CC2D1A: variants seen among roughly 807,000 people sequenced by gnomAD.
CC2D1A encodes the protein coiled-coil and C2 domain-containing protein 1A.
In CC2D1A, 68 loss-of-function variants were observed where a neutral mutation model predicts 123.8. That is an observed-to-expected ratio of 0.55 (90% CI 0.45 to 0.67). The LOEUF (loss-of-function observed/expected upper bound fraction) is 0.67. Among genes scored for constraint, CC2D1A ranks in the 30% least tolerant of loss-of-function variants. CC2D1A has a pLI of 0.00. For synonymous variants in CC2D1A, 477 were observed against 528.0 expected, an observed-to-expected ratio of 0.90 and a Z score of 1.32; for missense variants, 1,185 against 1,290.3, an observed-to-expected ratio of 0.92 and a Z score of 1.25.
Position 13,923,038 on chromosome 19 carries a change from C to T in CC2D1A, c.1642-295C>T, listed in dbSNP as rs1398121275. On this transcript the variant is annotated intron_variant, in intron 14 of 28. Coordinates refer to ENST00000318003, the MANE Select transcript of CC2D1A (RefSeq NM_017721.5). The surrounding 1 kb of genome is among the most constrained non-coding windows in gnomAD (Gnocchi z 5.3). ...TGAAACCCTGTCTCTACTAAAAATA[C>T]AAAAATTAGCCAGGTGTGGTGGCAG... Among the ~76,000 whole-genome samples the T allele has an allele frequency of 1.3e-5, 2 of 152,036 alleles. No individual in the cohort carries two copies. Among genetic ancestry groups the T allele is most frequent in the Non-Finnish European group, 2.9e-5 (2 of 67,986 alleles).
rs540923302 is a variant in CC2D1A, at chr19:13,915,491, C to T, written c.748+1853C>T. Reference sequence around the variant, plus strand: ...CTCGAACTCCTGACCTCAGGTGATCCGCCTGCTCCGCCTCCCAAAGTGCGG... The same window carrying T: ...CTCGAACTCCTGACCTCAGGTGATCTGCCTGCTCCGCCTCCCAAAGTGCGG... On this transcript the variant is annotated intron_variant, in intron 6 of 28. Transcript: ENST00000318003. Among the ~76,000 whole-genome samples the T allele has an allele frequency of 4.6e-5, 7 of 152,178 alleles. No homozygotes were observed. In the South Asian group the frequency reaches 1.2e-3, roughly 27 times the overall value.
intron 12 of CC2D1A, 101 bp from the exon 13 acceptor site, chr19:13,920,456 C>T: frequency 2.6e-6 from 2 of 757,474 alleles, no homozygotes; most frequent in Non-Finnish European, 4.6e-6. Context: ...CCTGGGAGCC[C>T]ACTAAATGAC....
chr19:13,906,511 C>A lies in CC2D1A; in HGVS notation c.60+10C>A, dbSNP rs769120532. The A allele has an allele frequency of 2.8e-4, 409 of 1,477,772 alleles. No homozygotes were observed. The highest frequency in any genetic ancestry group is 3.3e-4 in the Non-Finnish European group (373 of 1,117,666). The allele number at this position is 1,477,772 out of a possible 1,614,324, so 91.5% of individuals were successfully genotyped here. On this transcript the variant is annotated intron_variant, in intron 1 of 28. Coordinates refer to ENST00000318003, the MANE Select transcript of CC2D1A (RefSeq NM_017721.5). This position sits in a 1 kb window ranked among gnomAD's most constrained non-coding sequence, Gnocchi z 4.1. ...CGCGGCCGCCCGCCAGGTGAGTTTG[C>A]GCCCCACGGCCCGACCTGGGGATCC... is the stretch of plus-strand genomic sequence containing the variant.
chr19:13,926,480 CCCTGCCCACCTG>C (rs747695226), intron 17 of CC2D1A, 25 bp from the exon 18 acceptor site: 24 of 1,598,868 alleles, frequency 1.5e-5, no homozygotes, highest in African/African-American at 9.4e-5. Flanking sequence ...GCCTCTGTTT[CCCTGCCCACCTG>C]CCTGCCCACC....
chr19:13,920,250 C>T (rs1971361818), intron 12 of CC2D1A: 1 of 516,404 alleles, frequency 1.9e-6, no homozygotes, highest in African/African-American at 2.1e-5. Context: ...GACCTCATCT[C>T]CAAGACAATT....
chr19:13,922,759 C>T (rs1971452163), intron 14 of CC2D1A, among the ~76,000 whole-genome samples: 2 of 152,142 alleles, frequency 1.3e-5, no homozygotes, highest in Admixed American at 1.3e-4. Context: ...TTCTCAAACT[C>T]TTGAGCTCAA....
At position 13,909,371 on chromosome 19, in the gene CC2D1A, G is replaced by T. The variant is rs377315385; in HGVS notation, c.61-452G>T. The stretch of plus-strand genomic sequence containing the variant: ...AGCCTGGGTGACAGAGCGAGACTCT[G>T]TGTCAAAAAAAAACAAAAAACAAAA... On this transcript the variant is annotated intron_variant, in intron 1 of 28. Transcript: ENST00000318003. Among the ~76,000 whole-genome samples the T allele has an allele frequency of 4.7e-3, 709 of 151,198 alleles. 2 individuals carry two copies. The highest frequency in any genetic ancestry group is 0.011 in the South Asian group (54 of 4,796).
At chr19:13,911,294 T>C (rs983045967) in intron 2 of CC2D1A, among the ~76,000 whole-genome samples, 8 of 152,172 alleles carry the variant, frequency 5.3e-5, no homozygotes, top group African/African-American at 1.9e-4. Flanking sequence ...AACAGTCTTA[T>C]AGTCATTAAT....
rs770697782 is a variant in CC2D1A at position 13,930,032 on chromosome 19, G to C, written c.2711-46G>C. On this transcript the variant is annotated intron_variant, in intron 26 of 28. Transcript: ENST00000318003. The surrounding 1 kb of genome is among the most constrained non-coding windows in gnomAD (Gnocchi z 6.8). ...GCACAGTCCAGGAGGGTTGTGGGCA[G>C]TGAGGCCCCACCCTAAGCCTCCATT... The C allele has an allele frequency of 2.5e-6, 4 of 1,583,954 alleles. No individual in the cohort carries two copies. Among genetic ancestry groups the C allele is most frequent in the Non-Finnish European group, 3.4e-6 (4 of 1,162,846 alleles).
chr19:13,907,566 G>A (rs977681125), intron 1 of CC2D1A, among the ~76,000 whole-genome samples: 1 of 152,116 alleles, frequency 6.6e-6, no homozygotes. Flanking sequence ...CCAGCTACTC[G>A]GGAGGCTGAG....
Position 13,906,286 on chromosome 19 carries a change from C to T in CC2D1A, c.-156C>T, listed in dbSNP as rs1327941997. ...GAGGCCCGAGGCGGAAGTGGGACGG[C>T]CAAGCAGGGAAGCGAGGGCTCGGGA... On this transcript the variant is annotated 5_prime_UTR_variant, in exon 1 of 29. Transcript: ENST00000318003. The surrounding 1 kb of genome is among the most constrained non-coding windows in gnomAD (Gnocchi z 4.1). 4 of 544,726 alleles carry T rather than the reference C, an allele frequency of 7.3e-6. No individual in the cohort carries two copies. The highest frequency in any genetic ancestry group is 1.2e-5 in the Non-Finnish European group (4 of 335,554). The allele number at this position is 544,726 out of a possible 1,614,324, so 33.7% of individuals were successfully genotyped here.
intron 14 of CC2D1A, 43 bp downstream of exon 14, chr19:13,920,965 G>T (rs745645499): frequency 2.6e-6 from 4 of 1,557,414 alleles, no homozygotes; most frequent in East Asian, 2.3e-5. Flanking sequence ...GCACCCACTT[G>T]TCAGGCTCCT....
At position 13,927,969 on chromosome 19, in the gene CC2D1A, A is replaced by C. The variant is rs1599408118; in HGVS notation, c.2393A>C (p.Gln798Pro). Residue 798 changes from glutamine (Q) to proline (P), a missense_variant, in exon 23 of 29, where the codon CAG (glutamine) becomes CCG (proline). Transcript: ENST00000318003. ...ATTCGGGAGCCACTGACAGCCCAGC[A>C]GTTGGAGACGACGACAGAGAGGTGG... ...VRIREPLTAQ[Q>P]LETTTERWLV... The C allele has an allele frequency of 6.2e-7, 1 of 1,613,788 alleles. No individual in the cohort carries two copies. The highest frequency in any genetic ancestry group is 8.5e-7 in the Non-Finnish European group (1 of 1,179,912).
chr19:13,910,558 T>C (rs756661987), intron 2 of CC2D1A, among the ~76,000 whole-genome samples: 2 of 151,920 alleles, frequency 1.3e-5, no homozygotes, highest in African/African-American at 2.4e-5. Context: ...ATAATAACCA[T>C]GTTATAGGAG....
chr19:13,913,333 C>T, intron 5 of CC2D1A, 31 bp downstream of exon 5: 1 of 1,605,628 alleles, frequency 6.2e-7, no homozygotes, highest in Non-Finnish European at 8.5e-7. Flanking sequence ...GTACAGGGAC[C>T]CCCCGCCAAC....
Position 13,930,539 on chromosome 19 carries a change from C to A in CC2D1A, c.*144C>A. 1 of 915,056 alleles carries A rather than the reference C, an allele frequency of 1.1e-6. No individual in the cohort carries two copies. Among genetic ancestry groups the A allele is most frequent in the Non-Finnish European group, 1.6e-6 (1 of 623,138 alleles). The allele number at this position is 915,056 out of a possible 1,614,324, so 56.7% of individuals were successfully genotyped here. A position where few individuals can be genotyped will look rare whatever the true frequency, so the allele number is the denominator to read the frequency against. ...CCCCTCATCCGGGCCCCCAGCCCCG[C>A]CAGAGCCTCCGTGGCTGCGGGTGTT... On this transcript the variant is annotated 3_prime_UTR_variant, in exon 29 of 29. Coordinates refer to ENST00000318003, the MANE Select transcript of CC2D1A (RefSeq NM_017721.5). This position sits in a 1 kb window ranked among gnomAD's most constrained non-coding sequence, Gnocchi z 6.8.
chr19:13,925,260 C>A (rs1971550745), intron 17 of CC2D1A, among the ~76,000 whole-genome samples: 1 of 152,294 alleles, frequency 6.6e-6, no homozygotes, highest in East Asian at 1.9e-4. Flanking sequence ...AGGGTACTGA[C>A]TGGCACATAG....
At chr19:13,917,230 G>A (rs1971237102) in intron 6 of CC2D1A, among the ~76,000 whole-genome samples, 1 of 152,122 alleles carries the variant, frequency 6.6e-6, no homozygotes, top group African/African-American at 2.4e-5. Flanking sequence ...TGCACTTTGG[G>A]AAGCTGAGGT....
intron 6 of CC2D1A, among the ~76,000 whole-genome samples, chr19:13,917,753 C>T (rs1568410120): frequency 1.3e-5 from 2 of 152,024 alleles, no homozygotes; most frequent in Non-Finnish European, 1.5e-5. Flanking sequence ...CCAAGGTGGG[C>T]GGATCACCTG....
Sources: gnomAD v4.1 joint callset for allele counts (sites outside exome capture counted in the v4.1 genomes callset) on GRCh38, gnomAD v4.1.1 for gene constraint, Gnocchi (gnomAD v3.1) non-coding constraint, MANE v1.5 for transcripts, NCBI Gene and HGNC (gene_info 2026-07-23, HGNC 2026-07-21) for gene names.